PTPRT: variants seen among roughly 807,000 people sequenced by gnomAD.
The protein encoded by PTPRT is protein tyrosine phosphatase receptor type T.
A neutral mutation model predicts 176.8 loss-of-function variants in PTPRT; 56 were observed. That is an observed-to-expected ratio of 0.32 (90% CI 0.26 to 0.40). The LOEUF (loss-of-function observed/expected upper bound fraction) is 0.40. Ranked by LOEUF, PTPRT falls within the 10% of genes least tolerant of loss-of-function variation. PTPRT has a pLI of 1.00. For synonymous variants in PTPRT, 783 were observed against 739.0 expected, an observed-to-expected ratio of 1.06 and a Z score of -0.96; for missense variants, 1,540 against 1,908.2, an observed-to-expected ratio of 0.81 and a Z score of 3.60.
intron 7 of PTPRT, among the ~76,000 whole-genome samples, chr20:42,495,814 C>T (rs2071643090): frequency 1.3e-5 from 2 of 152,076 alleles, no homozygotes; most frequent in Non-Finnish European, 2.9e-5. Flanking sequence ...CTAAGAATAA[C>T]ATAGTATTGA....
chr20:42,585,525 C>A (rs2073456410), intron 7 of PTPRT, among the ~76,000 whole-genome samples: 1 of 152,106 alleles, frequency 6.6e-6, no homozygotes, highest in Admixed American at 6.6e-5. Context: ...CTATTTGGTA[C>A]CATGTTTAGC....
chr20:42,959,225 G>C (rs1010242546), intron 1 of PTPRT, among the ~76,000 whole-genome samples: 1 of 152,078 alleles, frequency 6.6e-6, no homozygotes, highest in Non-Finnish European at 1.5e-5. Flanking sequence ...TTCTTATGAC[G>C]ATTACATGAG....
intron 6 of PTPRT, among the ~76,000 whole-genome samples, chr20:42,724,742 G>A (rs1424961363): frequency 6.6e-6 from 1 of 152,184 alleles, no homozygotes; most frequent in African/African-American, 2.4e-5. Context: ...AGGCTGCAGT[G>A]AGCTATCATC....
At chr20:43,149,050 C>T (rs758479848) in intron 1 of PTPRT, among the ~76,000 whole-genome samples, 3 of 152,174 alleles carry the variant, frequency 2.0e-5, no homozygotes, top group Non-Finnish European at 4.4e-5. Flanking sequence ...TGGAATGCAG[C>T]TTGCTCTAAT....
At chr20:43,057,737 A>G (rs1395228490) in intron 1 of PTPRT, among the ~76,000 whole-genome samples, 1 of 152,250 alleles carries the variant, frequency 6.6e-6, no homozygotes, top group East Asian at 1.9e-4. Flanking sequence ...CTGGACCACC[A>G]GGTTCTGAGT....
At chr20:42,541,851 T>A (rs889645200) in intron 7 of PTPRT, among the ~76,000 whole-genome samples, 5 of 149,942 alleles carry the variant, frequency 3.3e-5, no homozygotes, top group East Asian at 1.9e-4. Flanking sequence ...ATTAAAATTT[T>A]AAAAAAATCT....
intron 16 of PTPRT, among the ~76,000 whole-genome samples, chr20:42,184,541 C>CTCTTCTTCTTCTTCTTCT (rs1385842092): frequency 0.047 from 4,319 of 91,458 alleles, 424 homozygotes; most frequent in Middle Eastern, 0.066. Context: ...CTTCCTCTTC[C>CTCTTCTTCTTCTTCTTCT]TCTTCTTCTT....
chr20:42,608,509 A>G (rs2073921218), intron 7 of PTPRT, among the ~76,000 whole-genome samples: 2 of 152,194 alleles, frequency 1.3e-5, no homozygotes, highest in African/African-American at 4.8e-5. Flanking sequence ...GGATGTTCCA[A>G]CATAGCAGGA....
chr20:42,938,321 G>C (rs923769362), intron 1 of PTPRT, among the ~76,000 whole-genome samples: 7 of 152,138 alleles, frequency 4.6e-5, no homozygotes, highest in African/African-American at 1.7e-4. Context: ...ATTACCCCTA[G>C]AGTCTAGAGC....
chr20:42,230,268 G>A (rs1006578750), intron 15 of PTPRT, among the ~76,000 whole-genome samples: 6 of 152,186 alleles, frequency 3.9e-5, no homozygotes, highest in Non-Finnish European at 8.8e-5. Flanking sequence ...TTCTGCCTCG[G>A]AGACATCTGC....
intron 2 of PTPRT, among the ~76,000 whole-genome samples, chr20:42,851,811 A>G (rs1234429727): frequency 6.6e-6 from 1 of 152,222 alleles, no homozygotes; most frequent in Non-Finnish European, 1.5e-5. Context: ...AACAAGCAGC[A>G]AACCAGATTT....
At chr20:42,206,273 G>C (rs577648916) in intron 15 of PTPRT, among the ~76,000 whole-genome samples, 1 of 152,322 alleles carries the variant, frequency 6.6e-6, no homozygotes, top group African/African-American at 2.4e-5. Flanking sequence ...TGTAGCAGGG[G>C]GAGGAGCCAA....
intron 1 of PTPRT, among the ~76,000 whole-genome samples, chr20:43,077,347 T>C (rs187040931): frequency 6.6e-6 from 1 of 152,298 alleles, no homozygotes; most frequent in East Asian, 1.9e-4. Context: ...TGACAAAGGA[T>C]GAAGCTGAAT....
At chr20:42,582,458 C>T (rs1219609811) in intron 7 of PTPRT, among the ~76,000 whole-genome samples, 1 of 152,180 alleles carries the variant, frequency 6.6e-6, no homozygotes, top group Non-Finnish European at 1.5e-5. Context: ...GCCACCTGGG[C>T]TGCCACCTAT....
intron 15 of PTPRT, among the ~76,000 whole-genome samples, chr20:42,211,864 G>C (rs986043175): frequency 2.0e-5 from 3 of 151,510 alleles, no homozygotes; most frequent in South Asian, 2.1e-4. Context: ...TTATTGCGGC[G>C]TTATTCACAA....
chr20:43,016,552 C>CTTTTTTTTTTTTT lies in PTPRT; in HGVS notation c.89-130633_89-130621dup, dbSNP rs11482189. ...CATTTCTCTAACTGCTCTAAGGCCACTTTTTTTTTTTTTTTTTTTTTTTTT... is the reference window on the plus strand; with the variant it reads ...CATTTCTCTAACTGCTCTAAGGCCACTTTTTTTTTTTTTTTTTTTTTTTTTTTTTTTTTTTTTT... On this transcript the variant is annotated intron_variant, in intron 1 of 30. Transcript: ENST00000373187. 1.5e-3 allele frequency among the ~76,000 whole-genome samples: 112 copies of CTTTTTTTTTTTTT among 76,244 alleles called. 13 individuals carry two copies. Among genetic ancestry groups the CTTTTTTTTTTTTT allele is most frequent in the African/African-American group, 7.7e-3 (110 of 14,292 alleles). 50.0% of individuals were successfully genotyped at this position (76,244 alleles called of 152,430 possible). A position where few individuals can be genotyped will look rare whatever the true frequency, so the allele number is the denominator to read the frequency against.
chr20:42,229,994 G>T (rs2056101413), intron 15 of PTPRT, among the ~76,000 whole-genome samples: 1 of 152,076 alleles, frequency 6.6e-6, no homozygotes, highest in South Asian at 2.1e-4. Context: ...GAGTTCCATG[G>T]AGAATACCCT....
At chr20:43,065,530 G>A (rs969437540) in intron 1 of PTPRT, among the ~76,000 whole-genome samples, 1 of 152,194 alleles carries the variant, frequency 6.6e-6, no homozygotes, top group Non-Finnish European at 1.5e-5. Context: ...GGGAGGGAGT[G>A]TCTCACAGAA....
chr20:42,824,594 C>A (rs914322549), intron 2 of PTPRT, among the ~76,000 whole-genome samples: 1 of 151,866 alleles, frequency 6.6e-6, no homozygotes, highest in Non-Finnish European at 1.5e-5. Flanking sequence ...AGATTCTATT[C>A]ACATGGTGAA....
Sources: allele counts gnomAD v4.1 joint callset (sites outside exome capture counted in the v4.1 genomes callset), GRCh38; gene constraint gnomAD v4.1.1; transcripts MANE v1.5; gene names NCBI Gene and HGNC (gene_info 2026-07-23, HGNC 2026-07-21).